Variants in SIRPG observed in about 807,000 individuals in gnomAD.
SIRPG encodes signal regulatory protein gamma.
A neutral mutation model predicts 35.7 loss-of-function variants in SIRPG; 38 were observed. The ratio of observed to expected loss-of-function variants is 1.06; its 90% confidence interval spans 0.82 to 1.40. The LOEUF is 1.40. SIRPG is among the 40% of genes most tolerant of loss of function. The probability of loss-of-function intolerance (pLI) is 0.00; values close to 1 mark genes in which losing one functional copy is unlikely to be tolerated. For synonymous variants in SIRPG, 215 were observed against 190.4 expected (o/e 1.13, Z -1.06); for missense variants, 519 against 483.0 (o/e 1.07, Z -0.70).
intron 4 of SIRPG, chr20:1,630,910 C>T (rs997725105): frequency 7.2e-5 from 11 of 152,248 alleles, no homozygotes; most frequent in African/African-American, 2.7e-4. Context: ...AGCCATGGAA[C>T]ACTGGACATA....
chr20:1,655,070 C>T (rs73080802), intron 1 of SIRPG, among the ~76,000 whole-genome samples: 5,113 of 152,248 alleles, frequency 0.034, 129 homozygotes, highest in Middle Eastern at 0.058. Flanking sequence ...CCCTTGCAGA[C>T]AGTTGGTGGG....
At chr20:1,658,925 C>G (rs2091988535), upstream of SIRPG, among the ~76,000 whole-genome samples, 2 of 152,238 alleles carry the variant, frequency 1.3e-5, no homozygotes, top group South Asian at 2.1e-4. Flanking sequence ...AAATCCCGCT[C>G]CTTGTTCAAC....
chr20:1,629,243 G>A lies in SIRPG; in HGVS notation c.*396C>T, dbSNP rs1022589395. On this transcript the variant is annotated 3_prime_UTR_variant, in exon 6 of 6. Coordinates refer to ENST00000303415, the MANE Select transcript of SIRPG (RefSeq NM_018556.4). Reference sequence around the variant, plus strand: ...AGAACCTCAACAAGGCTGGGGAGTTGGGATAGGCAGGAATCTGGAAGGCAG... The same window carrying A: ...AGAACCTCAACAAGGCTGGGGAGTTAGGATAGGCAGGAATCTGGAAGGCAG... 1 of 152,350 alleles carries A rather than the reference G, an allele frequency of 6.6e-6. No individual in the cohort carries two copies. The highest frequency in any genetic ancestry group is 1.5e-5 in the Non-Finnish European group (1 of 68,150). The allele number at this position is 152,350 out of a possible 1,614,324, so 9.4% of individuals were successfully genotyped here.
intron 5 of SIRPG, 94 bp downstream of exon 5, chr20:1,630,128 G>A: frequency 1.0e-6 from 1 of 975,964 alleles, no homozygotes; most frequent in Middle Eastern, 2.8e-4. Flanking sequence ...TAACTCCACG[G>A]ACCCTGGTGC....
In SIRPG at chr20:1,635,457, G is replaced by A. The variant is rs374114001; in HGVS notation, c.891C>T (p.Ala297=). Residue 297 remains alanine (A), a synonymous_variant, in exon 4 of 6, where the codon GCC becomes GCT. Coordinates refer to ENST00000303415, the MANE Select transcript of SIRPG (RefSeq NM_018556.4). The part of the protein sequence containing the change: ...ENGNVCQRET[A]STLTENKDGT... ...CATCCTTGTTCTCTGTAAGGGTCGAGGCTGTTTCTCTCTGGCACACGTTTC... is the reference window on the plus strand; with the variant it reads ...CATCCTTGTTCTCTGTAAGGGTCGAAGCTGTTTCTCTCTGGCACACGTTTC... 7 of 1,614,054 alleles carry A rather than the reference G, an allele frequency of 4.3e-6. No individual in the cohort carries two copies. The highest frequency in any genetic ancestry group is 5.9e-6 in the Non-Finnish European group (7 of 1,180,034).
the SIRPG span, among the ~76,000 whole-genome samples, chr20:1,683,769 A>C: frequency 6.6e-6 from 1 of 152,166 alleles, no homozygotes. Flanking sequence ...GGAGTTTGAG[A>C]CCAGCCTGGC....
chr20:1,649,292 C>A lies in SIRPG; in HGVS notation c.190G>T (p.Val64Phe). The change falls in exon 2 of 6, where the codon GTC (valine) becomes TTC (phenylalanine). Residue 64 changes from valine (V) to phenylalanine (F), a missense_variant. Physicochemically the swap from Val to Phe is conservative, Grantham distance 50. Coordinates refer to ENST00000303415, the MANE Select transcript of SIRPG (RefSeq NM_018556.4). ...TVTSLLPVGP[V>F]LWFRGVGPGR... ...GGTCCAACTCCTCTGAACCACAGGA[C>A]GGGTCCCACGGGAAGCAGGGAGGTC... 6.2e-7 allele frequency: 1 copy of A among 1,614,074 alleles called. No individual in the cohort carries two copies. Among genetic ancestry groups the A allele is most frequent in the Non-Finnish European group, 8.5e-7 (1 of 1,180,026 alleles).
chr20:1,644,229 C>T (rs1052898890), intron 2 of SIRPG, among the ~76,000 whole-genome samples: 4 of 151,856 alleles, frequency 2.6e-5, no homozygotes, highest in African/African-American at 9.7e-5. Context: ...GGGCTCAGGC[C>T]CAGGGAGATC....
At chr20:1,669,085 G>A in the SIRPG span, among the ~76,000 whole-genome samples, 1 of 152,208 alleles carries the variant, frequency 6.6e-6, no homozygotes, top group Non-Finnish European at 1.5e-5. Context: ...TGGTCAAAGA[G>A]AGGGGAATAT....
the SIRPG span, among the ~76,000 whole-genome samples, chr20:1,674,294 C>T: frequency 6.6e-6 from 1 of 152,142 alleles, no homozygotes; most frequent in Non-Finnish European, 1.5e-5. Context: ...CCCCAAACCC[C>T]ATGTATCCTT....
chr20:1,634,880 A>G (rs1233853163), intron 4 of SIRPG, among the ~76,000 whole-genome samples: 2 of 151,524 alleles, frequency 1.3e-5, no homozygotes, highest in African/African-American at 4.8e-5. Flanking sequence ...CATCTCTACT[A>G]AAAATACAAA....
intron 1 of SIRPG, among the ~76,000 whole-genome samples, chr20:1,656,845 A>C (rs553716502): frequency 6.6e-6 from 1 of 152,172 alleles, no homozygotes; most frequent in South Asian, 2.1e-4. Context: ...TTTGGAGACA[A>C]GGTCTTTAAC....
chr20:1,663,751 G>A, the SIRPG span, among the ~76,000 whole-genome samples: 2 of 152,266 alleles, frequency 1.3e-5, no homozygotes, highest in Non-Finnish European at 2.9e-5. Context: ...AACTGTCGCG[G>A]CATTCCTGCC....
intron 2 of SIRPG, chr20:1,637,524 A>G (rs564010437): frequency 1.9e-5 from 3 of 156,440 alleles, no homozygotes; most frequent in Admixed American, 1.3e-4. Context: ...ACTGTTCAGG[A>G]CTACCATGAC....
chr20:1,662,370 C>T (rs1488194132), upstream of SIRPG, among the ~76,000 whole-genome samples: 6 of 152,116 alleles, frequency 3.9e-5, no homozygotes, highest in African/African-American at 9.7e-5. Flanking sequence ...TTGGTTAGCT[C>T]GTCAGAGTGA....
intron 3 of SIRPG, 126 bp from the exon 4 acceptor site, chr20:1,635,725 G>C (rs2091793527): frequency 1.0e-6 from 1 of 1,002,000 alleles, no homozygotes; most frequent in Admixed American, 2.7e-5. Context: ...GGCAGCAGAT[G>C]CTAAGACATT....
At chr20:1,646,215 T>C (rs1166635141) in intron 2 of SIRPG, 1 of 152,186 alleles carries the variant, frequency 6.6e-6, no homozygotes, top group Non-Finnish European at 1.5e-5. Context: ...GCACACCCAA[T>C]TGTCCCTTCG....
At chr20:1,663,808 T>G in the SIRPG span, among the ~76,000 whole-genome samples, 1 of 152,262 alleles carries the variant, frequency 6.6e-6, no homozygotes. Context: ...AAACAACTAG[T>G]GTTTCCATCC....
chr20:1,676,740 T>A, the SIRPG span: 1 of 198,516 alleles, frequency 5.0e-6, no homozygotes, highest in Non-Finnish European at 1.0e-5. Context: ...GACTGTAGAT[T>A]AATTCGTGGC....
Sources: allele counts gnomAD v4.1 joint callset (sites outside exome capture counted in the v4.1 genomes callset), GRCh38; gene constraint gnomAD v4.1.1; transcripts MANE v1.5; gene names NCBI Gene and HGNC (gene_info 2026-07-23, HGNC 2026-07-21).